The following CAST variants were observed in gnomAD, a reference collection of about 807,000 sequenced individuals.
CAST encodes the protein MIR583 host.
Under a neutral mutation model 119.6 loss-of-function variants are expected in CAST, and 76 were observed. The ratio of observed to expected loss-of-function variants is 0.64; its 90% CI spans 0.53 to 0.77. The LOEUF (loss-of-function observed/expected upper bound fraction) is 0.77. CAST is among the 30% of genes least tolerant of loss of function. The probability of loss-of-function intolerance (pLI) is 0.00; values close to 1 mark genes in which losing one functional copy is unlikely to be tolerated. For missense variants in CAST, 953 were observed against 946.5 expected (o/e 1.01, Z -0.09); for synonymous variants, 319 against 331.6 (o/e 0.96, Z 0.41).
chr5:96,509,867 C>T, the CAST span, among the ~76,000 whole-genome samples: 1 of 152,198 alleles, frequency 6.6e-6, no homozygotes, highest in African/African-American at 2.4e-5. Flanking sequence ...TCCCAACAAC[C>T]TCTAAACCAG....
At chr5:96,210,302 C>G in the CAST span, 1 of 151,998 alleles carries the variant, frequency 6.6e-6, no homozygotes, top group Non-Finnish European at 1.5e-5. Context: ...GAATGCAAAA[C>G]AGTTTTGCAA....
the CAST span, among the ~76,000 whole-genome samples, chr5:96,361,883 G>A: frequency 1.4e-5 from 2 of 140,200 alleles, no homozygotes; most frequent in East Asian, 2.1e-4. Context: ...TGTGCACAAC[G>A]TGCAGGTTCA....
At chr5:96,213,143 T>A in the CAST span, among the ~76,000 whole-genome samples, 1 of 151,994 alleles carries the variant, frequency 6.6e-6, no homozygotes, top group Non-Finnish European at 1.5e-5. Flanking sequence ...TAATAAATTT[T>A]AAAAAATATT....
chr5:96,446,421 A>G, the CAST span, among the ~76,000 whole-genome samples: 2 of 152,184 alleles, frequency 1.3e-5, no homozygotes, highest in Non-Finnish European at 2.9e-5. Flanking sequence ...GTTTGCAGAA[A>G]GGAGGGACTG....
At chr5:96,508,636 T>C in the CAST span, among the ~76,000 whole-genome samples, 3 of 152,090 alleles carry the variant, frequency 2.0e-5, no homozygotes, top group Non-Finnish European at 4.4e-5. Context: ...TAGACAGTCT[T>C]ATTGGCTAGT....
At chr5:96,514,835 T>A in the CAST span, among the ~76,000 whole-genome samples, 1 of 152,190 alleles carries the variant, frequency 6.6e-6, no homozygotes, top group Admixed American at 6.6e-5. Context: ...CACTGCAACC[T>A]CCACCTCCAG....
the CAST span, among the ~76,000 whole-genome samples, chr5:96,023,029 A>T: frequency 0.031 from 4,692 of 152,278 alleles, 250 homozygotes; most frequent in African/African-American, 0.11. Context: ...ATGGTTACCT[A>T]TGTGGTAACC....
chr5:95,984,514 A>G, the CAST span, among the ~76,000 whole-genome samples: 13 of 152,194 alleles, frequency 8.5e-5, no homozygotes, highest in Non-Finnish European at 1.6e-4. Context: ...GACCAAATCT[A>G]CTACAGGGAA....
At chr5:96,471,267 C>A in the CAST span, among the ~76,000 whole-genome samples, 1 of 152,046 alleles carries the variant, frequency 6.6e-6, no homozygotes, top group Non-Finnish European at 1.5e-5. Flanking sequence ...CACACTGAAG[C>A]CATACCTTAC....
chr5:96,300,334 C>T, the CAST span, among the ~76,000 whole-genome samples: 3 of 152,166 alleles, frequency 2.0e-5, no homozygotes, highest in East Asian at 1.9e-4. Context: ...CCAGTTTTCC[C>T]AATACCATTT....
the CAST span, among the ~76,000 whole-genome samples, chr5:96,500,325 A>C: frequency 5.3e-5 from 8 of 152,238 alleles, no homozygotes; most frequent in Non-Finnish European, 8.8e-5. Context: ...GAAGCACAAT[A>C]AAACAAGGTA....
At chr5:96,420,793 G>T in the CAST span, among the ~76,000 whole-genome samples, 1 of 151,710 alleles carries the variant, frequency 6.6e-6, no homozygotes, top group Non-Finnish European at 1.5e-5. Flanking sequence ...GAGAAAGAGA[G>T]AGAGAGAGAG....
At chr5:96,601,620 A>G (rs988067730) in intron 1 of CAST, among the ~76,000 whole-genome samples, 2 of 152,186 alleles carry the variant, frequency 1.3e-5, no homozygotes, top group African/African-American at 4.8e-5. Context: ...TTATATAAAG[A>G]TATCTCTCCT....
At position 96,740,105 on chromosome 5, in the gene CAST, G is replaced by T; in HGVS notation, c.866G>T (p.Arg289Met). 1.3e-6 allele frequency: 2 copies of T among 1,485,704 alleles called. No individual in the cohort carries two copies. The allele number at this position is 1,485,704 out of a possible 1,614,324, so 92.0% of individuals were successfully genotyped here. The part of the protein sequence containing the change: ...KREVTIPPKY[R>M]ELLAKKEGIT... ...GAAGTCACAATTCCTCCAAAATATA[G>T]GGAACTATTGGCTGTAAGTTAAATA... is the stretch of plus-strand genomic sequence containing the variant. The change falls in exon 12 of 32, where the codon AGG becomes ATG. Residue 289 changes from arginine to methionine, a missense_variant. By Grantham distance (91) the Arg-to-Met change is moderately conservative. Transcript: ENST00000675179.
the CAST span, among the ~76,000 whole-genome samples, chr5:96,185,099 G>A: frequency 6.6e-6 from 1 of 152,138 alleles, no homozygotes; most frequent in African/African-American, 2.4e-5. Flanking sequence ...TTCTCTATCA[G>A]TGATGTTGAG....
At chr5:96,323,922 C>T in the CAST span, among the ~76,000 whole-genome samples, 1 of 152,162 alleles carries the variant, frequency 6.6e-6, no homozygotes, top group African/African-American at 2.4e-5. Flanking sequence ...CAGTGCAGTT[C>T]TCCTTTACCT....
chr5:96,255,424 G>A, the CAST span, among the ~76,000 whole-genome samples: 1 of 152,236 alleles, frequency 6.6e-6, no homozygotes, highest in East Asian at 1.9e-4. Context: ...TTATTTATTT[G>A]ACAAGTTTCT....
chr5:96,524,476 G>A (rs568501336), upstream of CAST, among the ~76,000 whole-genome samples: 1 of 152,334 alleles, frequency 6.6e-6, no homozygotes, highest in Non-Finnish European at 1.5e-5. Context: ...TTCCAGCAGG[G>A]AGTGGAGACC....
the CAST span, chr5:96,213,605 G>C: frequency 1.3e-5 from 2 of 152,112 alleles, no homozygotes; most frequent in African/African-American, 4.8e-5. Flanking sequence ...GCAATGTAGT[G>C]AGATCCTGTA....
Sources: allele counts gnomAD v4.1 joint callset (sites outside exome capture counted in the v4.1 genomes callset), GRCh38; gene constraint gnomAD v4.1.1; transcripts MANE v1.5; gene names NCBI Gene and HGNC (gene_info 2026-07-23, HGNC 2026-07-21).